POFUT1: variants seen among roughly 807,000 people sequenced by gnomAD.
The protein encoded by POFUT1 is GDP-fucose protein O-fucosyltransferase 1.
A neutral mutation model predicts 42.4 loss-of-function variants in POFUT1; 16 were observed. The observed-to-expected ratio is 0.38, with a 90% CI of 0.26 to 0.57. The LOEUF (loss-of-function observed/expected upper bound fraction) is 0.57. Among genes scored for constraint, POFUT1 ranks in the 20% least tolerant of loss-of-function variants. The probability of loss-of-function intolerance (pLI) is 0.71; values close to 1 mark genes in which losing one functional copy is unlikely to be tolerated. For synonymous variants in POFUT1, 206 were observed against 205.4 expected, an observed-to-expected ratio of 1.00 and a Z score of -0.03; for missense variants, 470 against 504.6, an observed-to-expected ratio of 0.93 and a Z score of 0.66.
chr20:32,218,338 T>C (rs906161147), intron 4 of POFUT1, among the ~76,000 whole-genome samples: 25 of 152,168 alleles, frequency 1.6e-4, no homozygotes, highest in African/African-American at 5.3e-4. Context: ...AGGGTCTTGC[T>C]ATGTTGCCCA....
intron 4 of POFUT1, chr20:32,217,231 A>G (rs1600387501): frequency 1.4e-6 from 2 of 1,414,150 alleles, no homozygotes; most frequent in Admixed American, 5.8e-5. Flanking sequence ...CGTGTGAGAC[A>G]TAGTAATCAG....
chr20:32,215,509 A>G, intron 3 of POFUT1, 58 bp downstream of exon 3: 3 of 1,407,252 alleles, frequency 2.1e-6, no homozygotes, highest in Non-Finnish European at 2.9e-6. Flanking sequence ...TAGGCCCCCA[A>G]GACTATGTCA....
Position 32,234,763 on chromosome 20 carries a change from T to A in POFUT1, c.*102T>A. ...CCAGAGGTGCTCCGGGATTGCAAAC[T>A]CCTCTTCTCACCTGCCAAAGATGGA... is the stretch of plus-strand genomic sequence containing the variant. On this transcript the variant is annotated 3_prime_UTR_variant, in exon 7 of 7. Coordinates refer to ENST00000375749, the MANE Select transcript of POFUT1 (RefSeq NM_015352.2). 1 of 1,026,542 alleles carries A rather than the reference T, an allele frequency of 9.7e-7. No individual in the cohort carries two copies. Among genetic ancestry groups the A allele is most frequent in the Non-Finnish European group, 1.4e-6 (1 of 708,482 alleles). 63.6% of individuals were successfully genotyped at this position (1,026,542 alleles called of 1,614,324 possible). A position where few individuals can be genotyped will look rare whatever the true frequency, so the allele number is the denominator to read the frequency against.
rs2047366617 is a variant in POFUT1, at chr20:32,217,180, A to T, written c.542+459A>T. The T allele has an allele frequency of 2.0e-6, 3 of 1,469,374 alleles. No individual in the cohort carries two copies. In the African/African-American group the frequency reaches 4.2e-5, roughly 21 times the overall value. The allele number at this position is 1,469,374 out of a possible 1,614,324, so 91.0% of individuals were successfully genotyped here. A position where few individuals can be genotyped will look rare whatever the true frequency, so the allele number is the denominator to read the frequency against. ...TTTTTAAAAAATATAGGTTAGCAGG[A>T]CGTGGGCACAGGCCGTGAAACATTT... On this transcript the variant is annotated intron_variant, in intron 4 of 6. Transcript: ENST00000375749.
intron 2 of POFUT1, among the ~76,000 whole-genome samples, chr20:32,212,926 C>T (rs1241228819): frequency 6.6e-6 from 1 of 151,852 alleles, no homozygotes; most frequent in African/African-American, 2.4e-5. Context: ...CTCTTGTCAC[C>T]CGGGCTGGAG....
intron 2 of POFUT1, among the ~76,000 whole-genome samples, chr20:32,213,038 AC>A (rs2047338448): frequency 6.6e-6 from 1 of 152,048 alleles, no homozygotes. Flanking sequence ...GGTGCCCACC[AC>A]CATGCCTAGC....
intron 3 of POFUT1, 123 bp downstream of exon 3, chr20:32,215,574 T>TA: frequency 1.2e-6 from 1 of 848,178 alleles, no homozygotes; most frequent in East Asian, 2.5e-5. Context: ...GATGGAGATT[T>TA]AAGTCCTGTT....
intron 4 of POFUT1, among the ~76,000 whole-genome samples, chr20:32,220,534 G>T (rs561452346): frequency 3.3e-5 from 5 of 152,170 alleles, no homozygotes; most frequent in South Asian, 4.1e-4. Context: ...TTGAGCCCAG[G>T]AATTCAAGAC....
chr20:32,212,145 T>C (rs1174505276), intron 2 of POFUT1, among the ~76,000 whole-genome samples: 1 of 152,232 alleles, frequency 6.6e-6, no homozygotes, highest in African/African-American at 2.4e-5. Context: ...TATTAGTTGC[T>C]ATTATTACCA....
intron 4 of POFUT1, among the ~76,000 whole-genome samples, chr20:32,218,632 G>T (rs906231778): frequency 3.3e-5 from 5 of 152,038 alleles, no homozygotes; most frequent in Non-Finnish European, 7.4e-5. Context: ...TGCCTGCATG[G>T]TTCTCCCCCA....
intron 4 of POFUT1, chr20:32,217,242 A>T: frequency 7.1e-7 from 1 of 1,401,672 alleles, no homozygotes; most frequent in Non-Finnish European, 9.3e-7. Flanking sequence ...TAGTAATCAG[A>T]GGCCAATGGT....
chr20:32,227,561 C>T (rs1014685005), intron 4 of POFUT1, among the ~76,000 whole-genome samples: 8 of 152,080 alleles, frequency 5.3e-5, no homozygotes, highest in Non-Finnish European at 1.2e-4. Context: ...AAATATTTAC[C>T]AAGCTCTTGG....
intron 6 of POFUT1, chr20:32,231,410 C>T (rs2047443086): frequency 3.5e-5 from 11 of 315,384 alleles, no homozygotes; most frequent in Non-Finnish European, 6.2e-5. Context: ...AAGGCTGACT[C>T]ACTGTTAACA....
At position 32,208,016 on chromosome 20, in the gene POFUT1, T is replaced by A. The variant is rs1923095; in HGVS notation, c.75T>A (p.Pro25=). The A allele has an allele frequency of 6.3e-7, 1 of 1,581,190 alleles. No homozygotes were observed. Among genetic ancestry groups the A allele is most frequent in the East Asian group, 2.3e-5 (1 of 43,320 alleles). Residue 25 remains proline (P), a synonymous_variant, in exon 1 of 7, where the codon CCT becomes CCA. Transcript: ENST00000375749. The part of the protein sequence containing the change: ...LLLLLPLPGM[P]AGSWDPAGYL... ...TGCTTCTGCCGCTCCCGGGGATGCC[T>A]GCGGGCTCCTGGGACCCGGCCGGTT... is the stretch of plus-strand genomic sequence containing the variant.
At position 32,211,419 on chromosome 20, in the gene POFUT1, G is replaced by A. The variant is rs535110228; in HGVS notation, c.246+1227G>A. 5.3e-5 allele frequency among the ~76,000 whole-genome samples: 8 copies of A among 152,048 alleles called. No homozygotes were observed. In the South Asian group the frequency reaches 1.2e-3, roughly 24 times the overall value. The stretch of plus-strand genomic sequence containing the variant: ...CTCCTGATTAACTGGGACTACAGGC[G>A]CACCACCACGCCCAGCTAATTTTTG... On this transcript the variant is annotated intron_variant, in intron 2 of 6. Transcript: ENST00000375749.
intron 6 of POFUT1, among the ~76,000 whole-genome samples, chr20:32,234,112 G>A (rs1359075456): frequency 5.3e-5 from 8 of 152,192 alleles, no homozygotes. Flanking sequence ...GAGCCTGGGA[G>A]GTTAAGACCC....
At chr20:32,226,171 G>A (rs1409429272) in intron 4 of POFUT1, among the ~76,000 whole-genome samples, 1 of 152,090 alleles carries the variant, frequency 6.6e-6, no homozygotes, top group African/African-American at 2.4e-5. Context: ...GCTGATTTGG[G>A]TCATGGGTAT....
Position 32,234,930 on chromosome 20 carries a change from A to G in POFUT1, c.*269A>G. 1 of 375,706 alleles carries G rather than the reference A, an allele frequency of 2.7e-6. No homozygotes were observed. The highest frequency in any genetic ancestry group is 4.8e-6 in the Non-Finnish European group (1 of 207,332). 23.3% of individuals were successfully genotyped at this position (375,706 alleles called of 1,614,324 possible). A position where few individuals can be genotyped will look rare whatever the true frequency, so the allele number is the denominator to read the frequency against. On this transcript the variant is annotated 3_prime_UTR_variant, in exon 7 of 7. Coordinates refer to ENST00000375749, the MANE Select transcript of POFUT1 (RefSeq NM_015352.2). ...ATTTCTCACACTGGCAAAGCAGTCC[A>G]GCCTCCGTCTTCTGGTCCACTCTGC... is the stretch of plus-strand genomic sequence containing the variant.
intron 2 of POFUT1, among the ~76,000 whole-genome samples, chr20:32,213,537 C>A (rs1256752765): frequency 6.6e-6 from 1 of 150,428 alleles, no homozygotes; most frequent in East Asian, 2.0e-4. Context: ...CTTTGGGAGA[C>A]CGAGGTGGAC....
Sources: allele counts gnomAD v4.1 joint callset (sites outside exome capture counted in the v4.1 genomes callset), GRCh38; gene constraint gnomAD v4.1.1; transcripts MANE v1.5; gene names NCBI Gene and HGNC (gene_info 2026-07-23, HGNC 2026-07-21).